NR1I3: variants seen among roughly 807,000 people sequenced by gnomAD.
The protein encoded by NR1I3 is constitutive activator of retinoid response.
A neutral mutation model predicts 38.4 loss-of-function variants in NR1I3; 30 were observed. That is an observed-to-expected ratio of 0.78 (90% confidence interval 0.58 to 1.06). The LOEUF (loss-of-function observed/expected upper bound fraction) is 1.06, where lower values mean the gene tolerates loss of function less well. Among genes scored for constraint, NR1I3 ranks in the 50% least tolerant of loss-of-function variants. The pLI is 0.00. For synonymous variants in NR1I3, 143 were observed against 165.1 expected (o/e 0.87, Z 1.03); for missense variants, 388 against 435.7 (o/e 0.89, Z 0.97).
intron 1 of NR1I3, 57 bp from the exon 2 acceptor site, chr1:161,236,655 C>T (rs879809856): frequency 6.5e-7 from 1 of 1,541,924 alleles, no homozygotes; most frequent in East Asian, 2.3e-5. Context: ...CTTTTCTGTC[C>T]CTTCTAGAGA....
At chr1:161,235,718 T>A (rs563811410) in intron 3 of NR1I3, 129 bp downstream of exon 3, 1 of 1,174,732 alleles carries the variant, frequency 8.5e-7, no homozygotes, top group African/African-American at 1.5e-5. Flanking sequence ...ATGTCTTGAG[T>A]GAATAGTGAC....
intron 5 of NR1I3, among the ~76,000 whole-genome samples, chr1:161,232,013 A>G (rs1044018126): frequency 6.6e-6 from 1 of 151,326 alleles, no homozygotes; most frequent in Non-Finnish European, 1.5e-5. Context: ...TTTGAGACAG[A>G]GTGTTGCTCT....
chr1:161,235,089 C>T (rs570222683), intron 3 of NR1I3, among the ~76,000 whole-genome samples: 2 of 151,262 alleles, frequency 1.3e-5, no homozygotes, highest in South Asian at 2.1e-4. Context: ...TGCAGTGAGC[C>T]GAGATGGCGC....
chr1:161,236,523 C>T lies in NR1I3; in HGVS notation c.43G>A (p.Gly15Arg), dbSNP rs200774078. 1.7e-5 allele frequency: 27 copies of T among 1,614,040 alleles called. No homozygotes were observed. Among genetic ancestry groups the T allele is most frequent in the Non-Finnish European group, 2.1e-5 (25 of 1,180,032 alleles). ...EDELRNCVVC[G>R]DQATGYHFNA... Reference sequence around the variant, plus strand: ...AAGTGGTAGCCTGTGGCTTGGTCCCCACATACCACACAGTTCCTCAGCTCA... The same window carrying T: ...AAGTGGTAGCCTGTGGCTTGGTCCCTACATACCACACAGTTCCTCAGCTCA... The change falls in exon 2 of 9, where the codon GGG becomes AGG. Residue 15 changes from glycine to arginine, a missense_variant. Transcript: ENST00000367983.
chr1:161,233,111 C>A, intron 4 of NR1I3, 58 bp downstream of exon 4: 1 of 1,597,940 alleles, frequency 6.3e-7, no homozygotes, highest in South Asian at 1.1e-5. Flanking sequence ...CTCCTTCAGA[C>A]CAGCATTTTT....
At chr1:161,233,835 ATATGTGTGTGTGTGTGTG>A (rs1449476346) in intron 3 of NR1I3, among the ~76,000 whole-genome samples, 2 of 95,008 alleles carry the variant, frequency 2.1e-5, no homozygotes, top group African/African-American at 4.8e-5. Flanking sequence ...CATCATATAT[ATATGTGTGTGTGTGTGTG>A]TGTGTGTGTG....
rs568686293 is a variant in NR1I3, at chr1:161,233,266, A to G, written c.311T>C (p.Val104Ala). 1 of 1,613,998 alleles carries G rather than the reference A, an allele frequency of 6.2e-7. No homozygotes were observed. The highest frequency in any genetic ancestry group is 1.7e-5 in the Admixed American group (1 of 60,010). The stretch of plus-strand genomic sequence containing the variant: ...CTCTTCTTGCTCCTTACTCAGTTGC[A>G]CAGGTGTTTGCTGTGCCCGCCGCTG... The part of the protein sequence containing the change: ...QAQRRAQQTP[V>A]QLSKEQEELI... The change falls in exon 4 of 9, where the codon GTG (valine) becomes GCG (alanine). Residue 104 changes from valine (V) to alanine (A), a missense_variant. Coordinates refer to ENST00000367983, the MANE Select transcript of NR1I3 (RefSeq NM_005122.5).
At chr1:161,237,486 G>T (rs529745491) in intron 1 of NR1I3, among the ~76,000 whole-genome samples, 1 of 151,876 alleles carries the variant, frequency 6.6e-6, no homozygotes, top group South Asian at 2.1e-4. Flanking sequence ...TTGGGAGGCC[G>T]AGGTGGGCGG....
chr1:161,237,732 A>C (rs779333832), intron 1 of NR1I3, among the ~76,000 whole-genome samples: 4 of 152,058 alleles, frequency 2.6e-5, no homozygotes, highest in Non-Finnish European at 5.9e-5. Context: ...AAAACCCAAA[A>C]AAACAAAACA....
At chr1:161,232,389 C>G (rs1006943050) in intron 5 of NR1I3, among the ~76,000 whole-genome samples, 4 of 152,180 alleles carry the variant, frequency 2.6e-5, no homozygotes, top group Non-Finnish European at 5.9e-5. Flanking sequence ...CCTCAACCTC[C>G]TGGGCTCAAG....
intron 1 of NR1I3, 123 bp from the exon 2 acceptor site, chr1:161,236,721 T>C: frequency 4.9e-6 from 5 of 1,013,368 alleles, no homozygotes; most frequent in Non-Finnish European, 6.8e-6. Context: ...GCGTTATCTT[T>C]TGTGGTTTTC....
chr1:161,236,652 G>A (rs986073862), intron 1 of NR1I3, 54 bp from the exon 2 acceptor site: 1 of 1,573,516 alleles, frequency 6.4e-7, no homozygotes, highest in Non-Finnish European at 8.6e-7. Context: ...ACCCTTTTCT[G>A]TCCCTTCTAG....
intron 3 of NR1I3, chr1:161,235,153 A>G (rs1423517806): frequency 1.3e-5 from 2 of 152,918 alleles, no homozygotes; most frequent in Non-Finnish European, 1.5e-5. Context: ...AAAAAATAGA[A>G]AGAAAAGAAA....
At chr1:161,231,733 C>T (rs961244729) in intron 5 of NR1I3, among the ~76,000 whole-genome samples, 1 of 152,132 alleles carries the variant, frequency 6.6e-6, no homozygotes. Context: ...AACTACTGAC[C>T]TCAGGTGATC....
chr1:161,231,375 G>A lies in NR1I3; in HGVS notation c.648C>T (p.Asn216=). 1.9e-6 allele frequency: 3 copies of A among 1,563,404 alleles called. No homozygotes were observed. Among genetic ancestry groups the A allele is most frequent in the Non-Finnish European group, 1.7e-6 (2 of 1,158,572 alleles). The part of the protein sequence containing the change: ...LNTTFCLQTQ[N]FLCGPLRYTI... Reference sequence around the variant, plus strand: ...TGTAGCGAAGAGGCCCGCAGAGGAAGTTTTGTGTTTGGAGACAGAAAGTGG... The same window carrying A: ...TGTAGCGAAGAGGCCCGCAGAGGAAATTTTGTGTTTGGAGACAGAAAGTGG... The change falls in exon 6 of 9, where the codon AAC becomes AAT. Residue 216 remains asparagine (N), a synonymous_variant. Transcript: ENST00000367983.
Position 161,231,326 on chromosome 1 carries a change from C to T in NR1I3, c.694+3G>A. On this transcript the variant is annotated splice_donor_region_variant and intron_variant, in intron 6 of 8. Transcript: ENST00000367983. ...GCCCCCTATTGCTCTAGCACCATCT[C>T]ACCACGGGCTCCATCTTCAATTGTG... is the stretch of plus-strand genomic sequence containing the variant. The T allele has an allele frequency of 1.9e-6, 3 of 1,585,350 alleles. No individual in the cohort carries two copies. The highest frequency in any genetic ancestry group is 2.6e-6 in the Non-Finnish European group (3 of 1,166,082).
At chr1:161,237,124 C>G (rs986495947) in intron 1 of NR1I3, among the ~76,000 whole-genome samples, 7 of 151,638 alleles carry the variant, frequency 4.6e-5, no homozygotes, top group Admixed American at 4.0e-4. Flanking sequence ...GTAGCTGGAA[C>G]TATAGGTACA....
chr1:161,237,735 AC>A (rs1323131878), intron 1 of NR1I3, among the ~76,000 whole-genome samples: 6 of 152,026 alleles, frequency 3.9e-5, no homozygotes, highest in South Asian at 4.1e-4. Flanking sequence ...ACCCAAAAAA[AC>A]AAAACAAAAA....
Position 161,236,104 on chromosome 1 carries a change from C to T in NR1I3, c.108-127G>A, listed in dbSNP as rs749119266. 7.3e-6 allele frequency: 8 copies of T among 1,096,758 alleles called. No homozygotes were observed. The Admixed American group carries it at 1.1e-4, about 15-fold the overall frequency. The allele number at this position is 1,096,758 out of a possible 1,614,324, so 67.9% of individuals were successfully genotyped here. ...AATCTGAGCTGTGCCCAAAGGTCCCCAGGGGTGGATAGTATCCAACACATC... is the reference window on the plus strand; with the variant it reads ...AATCTGAGCTGTGCCCAAAGGTCCCTAGGGGTGGATAGTATCCAACACATC... On this transcript the variant is annotated intron_variant, in intron 2 of 8. Transcript: ENST00000367983.
Sources: allele counts gnomAD v4.1 joint callset (sites outside exome capture counted in the v4.1 genomes callset), GRCh38; gene constraint gnomAD v4.1.1; transcripts MANE v1.5; gene names NCBI Gene and HGNC (gene_info 2026-07-23, HGNC 2026-07-21).